The following NBEA variants were observed in gnomAD, a reference collection of about 807,000 sequenced individuals.
The protein encoded by NBEA is lysosomal-trafficking regulator 2.
Under a neutral mutation model 343.4 loss-of-function variants are expected in NBEA, and 44 were observed. The observed-to-expected ratio is 0.13, with a 90% CI of 0.10 to 0.16. NBEA has a LOEUF of 0.16. NBEA is among the 10% of genes least tolerant of loss of function. The probability of loss-of-function intolerance (pLI) is 1.00; values close to 1 mark genes in which losing one functional copy is unlikely to be tolerated. For missense variants in NBEA, 2,555 were observed against 3,631.3 expected (o/e 0.70, Z 7.62); for synonymous variants, 1,175 against 1,238.7 (o/e 0.95, Z 1.08).
At chr13:35,475,716 G>A (rs368040620) in intron 41 of NBEA, 28 of 1,613,696 alleles carry the variant, frequency 1.7e-5, no homozygotes, top group African/African-American at 1.5e-4. Context: ...AGCTACATTT[G>A]TCTACCGCTT....
chr13:35,383,005 C>T (rs1377674707), intron 38 of NBEA, among the ~76,000 whole-genome samples: 2 of 152,148 alleles, frequency 1.3e-5, no homozygotes, highest in East Asian at 3.9e-4. Flanking sequence ...ATTGATAATA[C>T]AGTTGCTTTT....
intron 26 of NBEA, among the ~76,000 whole-genome samples, chr13:35,172,347 T>G (rs1033765073): frequency 2.6e-5 from 4 of 152,000 alleles, no homozygotes; most frequent in African/African-American, 7.2e-5. Flanking sequence ...TTGACCACAT[T>G]AAGATCTTTC....
At chr13:35,334,167 T>C (rs2039102526) in intron 36 of NBEA, among the ~76,000 whole-genome samples, 1 of 152,076 alleles carries the variant, frequency 6.6e-6, no homozygotes. Flanking sequence ...CCACAAACAG[T>C]GTATGAGGGT....
At chr13:35,046,549 A>G (rs2062863640) in intron 4 of NBEA, among the ~76,000 whole-genome samples, 1 of 152,176 alleles carries the variant, frequency 6.6e-6, no homozygotes, top group African/African-American at 2.4e-5. Context: ...TGCGGATGGT[A>G]CTGAACCATC....
chr13:35,076,685 T>G (rs1002912006), intron 10 of NBEA, among the ~76,000 whole-genome samples: 1 of 152,090 alleles, frequency 6.6e-6, no homozygotes, highest in Non-Finnish European at 1.5e-5. Context: ...TAACTACAAA[T>G]TATTCCTTGC....
intron 41 of NBEA, among the ~76,000 whole-genome samples, chr13:35,514,992 A>C (rs1214093121): frequency 6.6e-6 from 1 of 152,238 alleles, no homozygotes; most frequent in Non-Finnish European, 1.5e-5. Flanking sequence ...ATGATGCTCC[A>C]GATTCCAAAC....
intron 38 of NBEA, among the ~76,000 whole-genome samples, chr13:35,391,854 C>G (rs1182347371): frequency 1.3e-5 from 2 of 152,112 alleles, no homozygotes; most frequent in African/African-American, 4.8e-5. Flanking sequence ...TTCTTACTAA[C>G]TTTTCCTCAG....
chr13:35,308,659 CAT>C (rs1285179722), intron 35 of NBEA, among the ~76,000 whole-genome samples: 1 of 142,000 alleles, frequency 7.0e-6, no homozygotes, highest in Non-Finnish European at 1.5e-5. Context: ...TTTAAAACCC[CAT>C]ATATATATTT....
At chr13:35,213,701 T>C (rs2073912393) in intron 33 of NBEA, among the ~76,000 whole-genome samples, 1 of 150,612 alleles carries the variant, frequency 6.6e-6, no homozygotes, top group South Asian at 2.1e-4. Flanking sequence ...GAATATTTTG[T>C]ATGTTTCTAT....
chr13:35,207,825 A>G (rs1049395421), intron 31 of NBEA, among the ~76,000 whole-genome samples: 6 of 152,114 alleles, frequency 3.9e-5, no homozygotes, highest in African/African-American at 1.2e-4. Context: ...AAGCAACTCA[A>G]TTTTGTTCAG....
At chr13:35,240,679 A>G (rs1333072239) in intron 34 of NBEA, among the ~76,000 whole-genome samples, 4 of 151,858 alleles carry the variant, frequency 2.6e-5, no homozygotes, top group African/African-American at 9.7e-5. Context: ...AAAAATCACC[A>G]AAACTAAGTT....
chr13:35,590,592 G>A (rs2081488812), intron 46 of NBEA, among the ~76,000 whole-genome samples: 1 of 152,058 alleles, frequency 6.6e-6, no homozygotes, highest in Non-Finnish European at 1.5e-5. Context: ...TTGTAATTTA[G>A]GTTGAGGTGG....
At position 35,668,382 on chromosome 13, in the gene NBEA, C is replaced by T; in HGVS notation, c.8676C>T (p.Ser2892=). ...INDSTRAILL[S]SDGQNLVTGG... ...CTTTTCTGAAGGCCATTCTCCTGAGCAGTGACGGCCAGAACCTGGTCACCG... is the reference window on the plus strand; with the variant it reads ...CTTTTCTGAAGGCCATTCTCCTGAGTAGTGACGGCCAGAACCTGGTCACCG... The change falls in exon 58 of 59, where the codon AGC becomes AGT. Residue 2892 remains serine (S), a synonymous_variant. Transcript: ENST00000379939. 6.2e-7 allele frequency: 1 copy of T among 1,606,058 alleles called. No homozygotes were observed. Among genetic ancestry groups the T allele is most frequent in the Non-Finnish European group, 8.5e-7 (1 of 1,175,814 alleles).
chr13:35,286,986 T>A (rs1398059935), intron 34 of NBEA, among the ~76,000 whole-genome samples: 1 of 152,036 alleles, frequency 6.6e-6, no homozygotes, highest in African/African-American at 2.4e-5. Context: ...CTCAAGTACT[T>A]GTATCTTAGC....
intron 36 of NBEA, among the ~76,000 whole-genome samples, chr13:35,335,042 G>T (rs552862433): frequency 1.3e-5 from 2 of 151,914 alleles, no homozygotes; most frequent in Non-Finnish European, 2.9e-5. Context: ...TATGATGAGG[G>T]ATAGGGGTCT....
intron 41 of NBEA, among the ~76,000 whole-genome samples, chr13:35,499,672 A>G (rs984048481): frequency 6.6e-6 from 1 of 152,078 alleles, no homozygotes; most frequent in Admixed American, 6.6e-5. Context: ...CTGTCTGCGT[A>G]TCATGCACCC....
At chr13:35,651,711 C>G in intron 52 of NBEA, 94 bp from the exon 53 acceptor site, 1 of 748,816 alleles carries the variant, frequency 1.3e-6, no homozygotes, top group South Asian at 1.6e-5. Flanking sequence ...AGCAAATATG[C>G]ATTTTGTAAA....
At chr13:35,606,937 A>T (rs2082303948) in intron 48 of NBEA, among the ~76,000 whole-genome samples, 1 of 152,142 alleles carries the variant, frequency 6.6e-6, no homozygotes, top group South Asian at 2.1e-4. Context: ...CGCTTTTTTC[A>T]CTTATAAAAA....
intron 44 of NBEA, among the ~76,000 whole-genome samples, chr13:35,559,930 CAAAAAAAAAA>C (rs34700584): frequency 9.2e-6 from 1 of 108,978 alleles, no homozygotes; most frequent in Non-Finnish European, 1.9e-5. Context: ...GACTCCGTCT[CAAAAAAAAAA>C]AAAAAAAAAG....
Sources: allele counts gnomAD v4.1 joint callset (sites outside exome capture counted in the v4.1 genomes callset), GRCh38; gene constraint gnomAD v4.1.1; transcripts MANE v1.5; gene names NCBI Gene and HGNC (gene_info 2026-07-23, HGNC 2026-07-21).